ZFAT: variants seen among roughly 807,000 people sequenced by gnomAD.
The protein encoded by ZFAT is zinc finger protein ZFAT.
Under a neutral mutation model 117.7 loss-of-function variants are expected in ZFAT, and 64 were observed. The observed-to-expected ratio is 0.54, with a 90% CI of 0.44 to 0.67. The LOEUF (loss-of-function observed/expected upper bound fraction) is 0.67, where lower values mean the gene tolerates loss of function less well. ZFAT is among the 30% of genes least tolerant of loss of function. The pLI, the probability that ZFAT is intolerant of heterozygous loss-of-function variation, is 0.00. For missense variants in ZFAT, 1,433 were observed against 1,584.5 expected (o/e 0.90, Z 1.62); for synonymous variants, 679 against 615.0 (o/e 1.10, Z -1.54).
At chr8:134,490,283 C>T (rs1779787130) in intron 15 of ZFAT, among the ~76,000 whole-genome samples, 1 of 152,100 alleles carries the variant, frequency 6.6e-6, no homozygotes, top group South Asian at 2.1e-4. Flanking sequence ...AGCGTGGTCA[C>T]TGTAAAGGCA....
At chr8:134,729,562 T>C in the ZFAT span, among the ~76,000 whole-genome samples, 12 of 152,212 alleles carry the variant, frequency 7.9e-5, no homozygotes, top group Non-Finnish European at 1.3e-4. Context: ...CTCGATCTCC[T>C]GACCTTGTGA....
At chr8:134,828,217 A>G in the ZFAT span, among the ~76,000 whole-genome samples, 2 of 152,136 alleles carry the variant, frequency 1.3e-5, no homozygotes, top group African/African-American at 4.8e-5. Flanking sequence ...CATTTGTTCA[A>G]TTGAGGAACT....
chr8:134,789,675 C>T, the ZFAT span, among the ~76,000 whole-genome samples: 1 of 152,290 alleles, frequency 6.6e-6, no homozygotes, highest in Non-Finnish European at 1.5e-5. Context: ...TGGGGCCCTA[C>T]TGATCTTGTG....
intron 14 of ZFAT, chr8:134,510,008 G>T: frequency 2.0e-6 from 1 of 494,216 alleles, no homozygotes; most frequent in African/African-American, 1.9e-5. Context: ...TTTTGTAGAA[G>T]CCTCATTTGG....
intron 1 of ZFAT, among the ~76,000 whole-genome samples, chr8:134,679,788 G>T (rs991281909): frequency 6.6e-6 from 1 of 152,134 alleles, no homozygotes; most frequent in Non-Finnish European, 1.5e-5. Flanking sequence ...GTCCTTTGCA[G>T]GGACACGGAT....
chr8:134,663,001 C>T (rs866741223), intron 1 of ZFAT, among the ~76,000 whole-genome samples: 13 of 152,390 alleles, frequency 8.5e-5, no homozygotes, highest in East Asian at 1.9e-4. Context: ...CGCACAGACA[C>T]GCACAAGGGT....
At chr8:134,628,001 G>A (rs752609935) in intron 3 of ZFAT, among the ~76,000 whole-genome samples, 8 of 152,138 alleles carry the variant, frequency 5.3e-5, no homozygotes, top group African/African-American at 1.4e-4. Context: ...ACCGAGGCAC[G>A]TGCGCGGCAC....
chr8:134,686,491 A>G (rs1740564801), intron 1 of ZFAT, among the ~76,000 whole-genome samples: 2 of 152,196 alleles, frequency 1.3e-5, no homozygotes, highest in African/African-American at 4.8e-5. Flanking sequence ...CTCTACATGT[A>G]TGTTACACGT....
the ZFAT span, among the ~76,000 whole-genome samples, chr8:134,807,903 G>A: frequency 6.6e-6 from 1 of 151,972 alleles, no homozygotes; most frequent in Non-Finnish European, 1.5e-5. Flanking sequence ...AAATAGAAGG[G>A]TGTTTAGGAC....
chr8:134,653,616 C>T (rs943681489), intron 2 of ZFAT, among the ~76,000 whole-genome samples: 30 of 151,898 alleles, frequency 2.0e-4, no homozygotes, highest in Non-Finnish European at 4.3e-4. Context: ...AAGTTAACTA[C>T]ATGGGGTGAT....
chr8:134,557,601 A>G (rs1375582178), intron 11 of ZFAT, among the ~76,000 whole-genome samples: 2 of 152,238 alleles, frequency 1.3e-5, no homozygotes, highest in East Asian at 3.8e-4. Flanking sequence ...TAAATCTACA[A>G]CTGTTCTAAA....
At chr8:134,581,356 A>G (rs1825697069) in intron 10 of ZFAT, among the ~76,000 whole-genome samples, 3 of 152,194 alleles carry the variant, frequency 2.0e-5, no homozygotes, top group Non-Finnish European at 4.4e-5. Context: ...ATTTAGAAAT[A>G]AAGCTGTACC....
chr8:134,723,636 G>A, the ZFAT span: 3 of 152,514 alleles, frequency 2.0e-5, no homozygotes, highest in South Asian at 6.2e-4. Flanking sequence ...GTCTCCCCTT[G>A]TCTGAAGCCA....
intron 1 of ZFAT, among the ~76,000 whole-genome samples, chr8:134,692,509 G>A (rs1014516336): frequency 6.6e-6 from 1 of 152,140 alleles, no homozygotes; most frequent in Non-Finnish European, 1.5e-5. Context: ...GCCATTCTCT[G>A]TTCATGCCCC....
intron 1 of ZFAT, among the ~76,000 whole-genome samples, chr8:134,710,559 T>C (rs1457939976): frequency 1.3e-5 from 2 of 152,234 alleles, no homozygotes; most frequent in Non-Finnish European, 2.9e-5. Flanking sequence ...TAAACTACAG[T>C]TTCAGGATCC....
At chr8:134,712,736 GCCGGCGGCCGGCGC>G (rs1814063261) in intron 1 of ZFAT, 95 bp downstream of exon 1, 3 of 1,103,082 alleles carry the variant, frequency 2.7e-6, no homozygotes, top group Non-Finnish European at 3.6e-6. Context: ...GCGGCCGGCG[GCCGGCGGCCGGCGC>G]ACTGCTTCCC....
the ZFAT span, among the ~76,000 whole-genome samples, chr8:134,818,680 A>G: frequency 3.9e-5 from 6 of 152,374 alleles, no homozygotes; most frequent in South Asian, 2.1e-4. Context: ...AAAGTCAAAC[A>G]CTGGAATCAA....
intron 15 of ZFAT, among the ~76,000 whole-genome samples, chr8:134,479,697 G>C (rs766382139): frequency 6.6e-6 from 1 of 152,160 alleles, no homozygotes; most frequent in African/African-American, 2.4e-5. Context: ...ATTTCCAGGT[G>C]AGTCTGAATG....
At chr8:134,564,991 A>G in intron 11 of ZFAT, 1 of 1,264,592 alleles carries the variant, frequency 7.9e-7, no homozygotes, top group Non-Finnish European at 1.0e-6. Context: ...ACTCACCTGC[A>G]GCAATCCAGG....
Sources: gnomAD v4.1 joint callset for allele counts (sites outside exome capture counted in the v4.1 genomes callset) on GRCh38, gnomAD v4.1.1 for gene constraint, MANE v1.5 for transcripts, NCBI Gene and HGNC (gene_info 2026-07-23, HGNC 2026-07-21) for gene names.